PLAUR: variants seen among roughly 807,000 people sequenced by gnomAD.
PLAUR encodes the protein plasminogen activator, urokinase receptor.
PLAUR carries 22 observed loss-of-function variants against 33.4 expected under a neutral mutation model. The observed-to-expected ratio is 0.66, with a 90% CI of 0.47 to 0.94. PLAUR has a LOEUF of 0.94. Among genes scored for constraint, PLAUR ranks in the 40% least tolerant of loss-of-function variants. PLAUR has a pLI of 0.00. For missense variants in PLAUR, 408 were observed against 434.7 expected (o/e 0.94, Z 0.55); for synonymous variants, 148 against 167.3 (o/e 0.88, Z 0.89).
chr19:43,663,841 A>G (rs796231941), intron 3 of PLAUR, among the ~76,000 whole-genome samples: 61 of 151,848 alleles, frequency 4.0e-4, no homozygotes, highest in African/African-American at 1.4e-3. Context: ...AAAAAAAGAA[A>G]GAAAAAAGAA....
Position 43,648,939 on chromosome 19 carries a change from G to A in PLAUR, c.959C>T (p.Thr320Ile). The change falls in exon 7 of 7, where the codon ACC becomes ATC. Residue 320 changes from threonine to isoleucine, a missense_variant. Physicochemically the swap from Thr to Ile is moderately conservative, Grantham distance 89 (BLOSUM62 -1). Coordinates refer to ENST00000340093, the MANE Select transcript of PLAUR (RefSeq NM_002659.4). ...CCACAGTCTGGCAGTCATTAGCAGG[G>A]TGATGGTGAGGCTGAGATGGGCAGG... ...PGPAHLSLTI[T>I]LLMTARLWGG... 6.2e-7 allele frequency: 1 copy of A among 1,614,180 alleles called. No individual in the cohort carries two copies. The highest frequency in any genetic ancestry group is 8.5e-7 in the Non-Finnish European group (1 of 1,180,016).
Position 43,655,428 on chromosome 19 carries a change from CCGTTCCTTA to C in PLAUR, c.607+2_607+10del, listed in dbSNP as rs1974166894. ...CGACCCCAGGCCTTGCCTGTGTCTC[CCGTTCCTTA>C]CTTGGGCCCTCGTTGCATTTGGTGG... On this transcript the variant is annotated splice_donor_variant and splice_donor_5th_base_variant and intron_variant, in intron 5 of 6. Coordinates refer to ENST00000340093, the MANE Select transcript of PLAUR (RefSeq NM_002659.4). LOFTEE classifies it high-confidence loss of function. 3 of 1,613,688 alleles carry C rather than the reference CCGTTCCTTA, an allele frequency of 1.9e-6. No individual in the cohort carries two copies. Among genetic ancestry groups the C allele is most frequent in the Non-Finnish European group, 2.5e-6 (3 of 1,179,800 alleles).
Position 43,667,037 on chromosome 19 carries a change from C to T in PLAUR, c.166+544G>A, listed in dbSNP as rs146645236. 2.7e-3 allele frequency among the ~76,000 whole-genome samples: 409 copies of T among 152,126 alleles called. 1 individual carries two copies. Among genetic ancestry groups the T allele is most frequent in the African/African-American group, 9.5e-3 (393 of 41,484 alleles). ...GATTACAGGTGCGTGCCACCACACT[C>T]GGCTAATTTTTCCTTTTTTGTGTGT... On this transcript the variant is annotated intron_variant, in intron 2 of 6. Coordinates refer to ENST00000340093, the MANE Select transcript of PLAUR (RefSeq NM_002659.4).
At chr19:43,658,966 C>G (rs1278420976) in intron 3 of PLAUR, among the ~76,000 whole-genome samples, 2 of 151,990 alleles carry the variant, frequency 1.3e-5, no homozygotes, top group African/African-American at 2.4e-5. Flanking sequence ...CATTCTTCAG[C>G]TGTCATCTTC....
rs745936333 is a variant in PLAUR at position 43,652,343 on chromosome 19, A to C, written c.636T>G (p.Asn212Lys). 3 of 1,614,126 alleles carry C rather than the reference A, an allele frequency of 1.9e-6. No homozygotes were observed. The highest frequency in any genetic ancestry group is 2.5e-6 in the Non-Finnish European group (3 of 1,179,988). ...CCTTGCAGCTGTAACACTGGCGGCCATTCTGCGGCAGATTTTCAAGCTCCA... is the reference window on the plus strand; with the variant it reads ...CCTTGCAGCTGTAACACTGGCGGCCCTTCTGCGGCAGATTTTCAAGCTCCA... Reference protein sequence around the residue: ...PILELENLPQNGRQCYSCKGN... With the variant: ...PILELENLPQKGRQCYSCKGN... The change falls in exon 6 of 7, where the codon AAT becomes AAG. Residue 212 changes from asparagine to lysine, a missense_variant. Asn to Lys is a moderately conservative substitution (Grantham distance 94). Transcript: ENST00000340093.
intron 3 of PLAUR, 118 bp from the exon 4 acceptor site, chr19:43,656,758 G>A: frequency 1.3e-6 from 1 of 796,438 alleles, no homozygotes; most frequent in Non-Finnish European, 1.9e-6. Flanking sequence ...CAGTCATTGA[G>A]CCCTGCCTAT....
chr19:43,669,568 T>C (rs1023058410), intron 1 of PLAUR, among the ~76,000 whole-genome samples: 3 of 151,538 alleles, frequency 2.0e-5, no homozygotes, highest in Non-Finnish European at 2.9e-5. Context: ...TCCCAGCAGT[T>C]TGGGAGGCCG....
chr19:43,650,989 T>C (rs961014603), intron 6 of PLAUR, among the ~76,000 whole-genome samples: 6 of 148,216 alleles, frequency 4.0e-5, no homozygotes, highest in African/African-American at 1.3e-4. Flanking sequence ...GCTGAGACCA[T>C]GCCACTGCAC....
chr19:43,652,738 C>T (rs1052017148), intron 5 of PLAUR, among the ~76,000 whole-genome samples: 1 of 152,134 alleles, frequency 6.6e-6, no homozygotes, highest in African/African-American at 2.4e-5. Flanking sequence ...GCAGCCTCGA[C>T]CACCCCGGCT....
At position 43,655,575 on chromosome 19, in the gene PLAUR, T is replaced by C. The variant is rs1974176285; in HGVS notation, c.473-2A>G. ...GGTGGCGGTCATCCTTTGGACGCCC[T>C]ATGGGGGCCAGGGGACAGAGGTCAG... On this transcript the variant is annotated splice_acceptor_variant, in intron 4 of 6. Coordinates refer to ENST00000340093, the MANE Select transcript of PLAUR (RefSeq NM_002659.4). LOFTEE classifies it high-confidence loss of function. 1.9e-6 allele frequency: 3 copies of C among 1,613,420 alleles called. No individual in the cohort carries two copies. The highest frequency in any genetic ancestry group is 2.5e-6 in the Non-Finnish European group (3 of 1,179,732).
At chr19:43,666,176 C>A (rs1452608400) in intron 2 of PLAUR, among the ~76,000 whole-genome samples, 1 of 152,144 alleles carries the variant, frequency 6.6e-6, no homozygotes, top group Non-Finnish European at 1.5e-5. Context: ...AATCCTTCTG[C>A]CTTAGCCTCC....
At chr19:43,659,719 C>T (rs1163572048) in intron 3 of PLAUR, among the ~76,000 whole-genome samples, 1 of 152,206 alleles carries the variant, frequency 6.6e-6, no homozygotes, top group Non-Finnish European at 1.5e-5. Flanking sequence ...CATCCAGTCC[C>T]CGGGGCAGAA....
At chr19:43,650,008 CTTTT>C (rs200384971) in intron 6 of PLAUR, among the ~76,000 whole-genome samples, 1 of 137,308 alleles carries the variant, frequency 7.3e-6, no homozygotes, top group Non-Finnish European at 1.5e-5. Context: ...TCTCATTACG[CTTTT>C]TTTTTGTTTT....
Position 43,649,058 on chromosome 19 carries a change from C to A in PLAUR, c.840G>T (p.Met280Ile). The A allele has an allele frequency of 3.1e-6, 5 of 1,614,192 alleles. No individual in the cohort carries two copies. Among genetic ancestry groups the A allele is most frequent in the Non-Finnish European group, 3.4e-6 (4 of 1,180,040 alleles). ...QHAHLGDAFS[M>I]NHIDVSCCTK... The stretch of plus-strand genomic sequence containing the variant: ...TACAGCAGGAGACATCAATGTGGTT[C>A]ATGCTGAAGGCGTCACCCAGGTGGG... Residue 280 changes from methionine (M) to isoleucine (I), a missense_variant, in exon 7 of 7, where the codon ATG (methionine) becomes ATT (isoleucine). Coordinates refer to ENST00000340093, the MANE Select transcript of PLAUR (RefSeq NM_002659.4).
Position 43,667,632 on chromosome 19 carries a change from A to G in PLAUR, c.115T>C (p.Cys39Arg). ...KTNGDCRVEE[C>R]ALGQDLCRTT... is the part of the protein sequence containing the mutation. ...CTGCAGAGGTCCTGTCCCAGGGCGC[A>G]CTCTTCCACACGGCAATCCCCGTTG... is the stretch of plus-strand genomic sequence containing the variant. The change falls in exon 2 of 7, where the codon TGC becomes CGC. Residue 39 changes from cysteine (C) to arginine (R), a missense_variant. By Grantham distance (180) the Cys-to-Arg change is radical (BLOSUM62 -3). Coordinates refer to ENST00000340093, the MANE Select transcript of PLAUR (RefSeq NM_002659.4). The G allele has an allele frequency of 6.2e-7, 1 of 1,613,802 alleles. No homozygotes were observed. The highest frequency in any genetic ancestry group is 8.5e-7 in the Non-Finnish European group (1 of 1,179,970).
rs4251908 is a variant in PLAUR at position 43,652,885 on chromosome 19, A to G, written c.608-514T>C. Among the ~76,000 whole-genome samples the G allele has an allele frequency of 3.1e-3, 473 of 152,234 alleles. 1 individual carries two copies. Among genetic ancestry groups the G allele is most frequent in the African/African-American group, 0.011 (445 of 41,532 alleles). On this transcript the variant is annotated intron_variant, in intron 5 of 6. Coordinates refer to ENST00000340093, the MANE Select transcript of PLAUR (RefSeq NM_002659.4). Reference sequence around the variant, plus strand: ...AGGCTGGTCTCAAACTCCTGGGATCAAGCAATCTGCCTGCCTCAGCCTCCC... The same window carrying G: ...AGGCTGGTCTCAAACTCCTGGGATCGAGCAATCTGCCTGCCTCAGCCTCCC...
chr19:43,663,503 C>T (rs1340521331), intron 3 of PLAUR, among the ~76,000 whole-genome samples: 3 of 151,916 alleles, frequency 2.0e-5, no homozygotes, highest in African/African-American at 7.3e-5. Context: ...GGGATGAGGC[C>T]GGGCACGGTG....
At chr19:43,664,002 G>A (rs1218183292) in intron 3 of PLAUR, among the ~76,000 whole-genome samples, 1 of 152,032 alleles carries the variant, frequency 6.6e-6, no homozygotes, top group Non-Finnish European at 1.5e-5. Flanking sequence ...GGCAACACCA[G>A]GCCCAGCAGC....
chr19:43,664,708 C>G (rs952631689), intron 3 of PLAUR, among the ~76,000 whole-genome samples: 2 of 152,204 alleles, frequency 1.3e-5, no homozygotes, highest in African/African-American at 4.8e-5. Flanking sequence ...ATTTAATCTT[C>G]CCCTCTTTCG....
Sources: allele counts gnomAD v4.1 joint callset (sites outside exome capture counted in the v4.1 genomes callset), GRCh38; gene constraint gnomAD v4.1.1; transcripts MANE v1.5; gene names NCBI Gene and HGNC (gene_info 2026-07-23, HGNC 2026-07-21).